SPAG16: variants seen among roughly 807,000 people sequenced by gnomAD.
The protein encoded by SPAG16 is sperm-associated antigen 16 protein.
Under a neutral mutation model 80.4 loss-of-function variants are expected in SPAG16, and 86 were observed. That is an observed-to-expected ratio of 1.07 (90% CI 0.90 to 1.28). The LOEUF is 1.28. Among genes scored for constraint, SPAG16 ranks in the 50% most tolerant of loss-of-function variants. The pLI is 0.00. For missense variants in SPAG16, 870 were observed against 765.3 expected, an observed-to-expected ratio of 1.14 and a Z score of -1.61; for synonymous variants, 294 against 265.9, an observed-to-expected ratio of 1.11 and a Z score of -1.03.
At chr2:214,392,991 A>G (rs1044690479) in intron 15 of SPAG16, among the ~76,000 whole-genome samples, 2 of 152,220 alleles carry the variant, frequency 1.3e-5, no homozygotes, top group Admixed American at 1.3e-4. Context: ...ATTATTATCC[A>G]AGCAGCTAAA....
intron 10 of SPAG16, among the ~76,000 whole-genome samples, chr2:213,674,949 G>A (rs1559365216): frequency 6.7e-6 from 1 of 150,006 alleles, no homozygotes; most frequent in Non-Finnish European, 1.5e-5. Flanking sequence ...AGATCCCTGA[G>A]GAATCACCAC....
intron 12 of SPAG16, among the ~76,000 whole-genome samples, chr2:214,009,258 A>G (rs1473730768): frequency 1.3e-5 from 2 of 152,126 alleles, no homozygotes; most frequent in Non-Finnish European, 2.9e-5. Context: ...TAAGCAACTC[A>G]GAAGCCCAGA....
intron 12 of SPAG16, among the ~76,000 whole-genome samples, chr2:214,011,590 C>T (rs948135276): frequency 6.6e-6 from 1 of 152,142 alleles, no homozygotes; most frequent in Non-Finnish European, 1.5e-5. Context: ...TCCAATAAAA[C>T]TTTATTTACA....
chr2:213,588,917 G>T (rs1264903131), intron 10 of SPAG16, among the ~76,000 whole-genome samples: 1 of 137,652 alleles, frequency 7.3e-6, no homozygotes, highest in Non-Finnish European at 1.5e-5. Context: ...CTTATATCAA[G>T]ATTCTTACAT....
rs1304420029 is a variant in SPAG16 at position 213,571,942 on chromosome 2, T to G, written c.1070+81852T>G. Among the ~76,000 whole-genome samples the G allele has an allele frequency of 1.5e-3, 204 of 135,284 alleles. 4 individuals carry two copies. The highest frequency in any genetic ancestry group is 2.5e-3 in the Non-Finnish European group (162 of 65,610). 88.8% of individuals were successfully genotyped at this position (135,284 alleles called of 152,430 possible). On this transcript the variant is annotated intron_variant, in intron 10 of 15. Transcript: ENST00000331683. ...CTTGGAGGCTTTGCTCATTTCTTTT[T>G]ATTCTTTTTTCTCTAAACTTCCCTT...
At chr2:213,900,133 A>G (rs2106119390) in intron 11 of SPAG16, among the ~76,000 whole-genome samples, 1 of 152,276 alleles carries the variant, frequency 6.6e-6, no homozygotes, top group Admixed American at 6.5e-5. Context: ...GTTACCATGT[A>G]TTCCTAAAAT....
At chr2:214,368,351 A>C (rs1699612407) in intron 15 of SPAG16, among the ~76,000 whole-genome samples, 1 of 152,030 alleles carries the variant, frequency 6.6e-6, no homozygotes, top group African/African-American at 2.4e-5. Context: ...CTGATTTCCT[A>C]GTCTGTGGTC....
chr2:213,295,710 GT>G (rs913615252), intron 1 of SPAG16, among the ~76,000 whole-genome samples: 14 of 151,944 alleles, frequency 9.2e-5, no homozygotes, highest in African/African-American at 3.4e-4. Flanking sequence ...AAAAGTTACT[GT>G]TTTTTCTTAC....
chr2:213,876,591 A>C (rs10153910), intron 11 of SPAG16, among the ~76,000 whole-genome samples: 1 of 152,006 alleles, frequency 6.6e-6, no homozygotes, highest in Admixed American at 6.6e-5. Context: ...AAAGCATTAT[A>C]AGTATTCTAC....
At chr2:214,003,073 A>G (rs2046867792) in intron 12 of SPAG16, among the ~76,000 whole-genome samples, 3 of 152,206 alleles carry the variant, frequency 2.0e-5, no homozygotes, top group Admixed American at 1.3e-4. Context: ...ACCATAACAC[A>G]TTTCAGAGGA....
chr2:214,100,371 TTTAA>T (rs1455008269), intron 13 of SPAG16, among the ~76,000 whole-genome samples: 1 of 152,078 alleles, frequency 6.6e-6, no homozygotes, highest in African/African-American at 2.4e-5. Flanking sequence ...TTCTCTGACA[TTTAA>T]TTTATTTCAT....
chr2:214,131,204 T>C (rs2054749841), intron 14 of SPAG16, among the ~76,000 whole-genome samples: 1 of 151,788 alleles, frequency 6.6e-6, no homozygotes, highest in Non-Finnish European at 1.5e-5. Flanking sequence ...CGAGACCCCA[T>C]CTCTACCAAA....
At position 213,643,762 on chromosome 2, in the gene SPAG16, T is replaced by C. The variant is rs2062713631; in HGVS notation, c.1070+153672T>C. On this transcript the variant is annotated intron_variant, in intron 10 of 15. Coordinates refer to ENST00000331683, the MANE Select transcript of SPAG16 (RefSeq NM_024532.5). ...TCAAATAGCCTGTCTTCAAGCTCAC[T>C]ACTTCTTTTTTTTTTTTTTTTTTTT... Among the ~76,000 whole-genome samples, 4 of 136,506 alleles carry C rather than the reference T, an allele frequency of 2.9e-5. No homozygotes were observed. In the South Asian group the frequency reaches 9.7e-4, roughly 33 times the overall value. The allele number at this position is 136,506 out of a possible 152,430, so 89.6% of individuals were successfully genotyped here.
chr2:213,846,933 C>T (rs2074658956), intron 10 of SPAG16, among the ~76,000 whole-genome samples: 1 of 152,140 alleles, frequency 6.6e-6, no homozygotes, highest in Non-Finnish European at 1.5e-5. Flanking sequence ...GAGTGTGCTT[C>T]CCATCTCGTC....
intron 15 of SPAG16, among the ~76,000 whole-genome samples, chr2:214,248,811 A>G (rs1690042633): frequency 6.6e-6 from 1 of 152,200 alleles, no homozygotes; most frequent in Non-Finnish European, 1.5e-5. Flanking sequence ...AAAGAAAGCG[A>G]TATTTGAGAC....
At chr2:213,476,718 C>A (rs1254082953) in intron 9 of SPAG16, among the ~76,000 whole-genome samples, 2 of 152,184 alleles carry the variant, frequency 1.3e-5, no homozygotes, top group South Asian at 4.1e-4. Context: ...ACTCCCATAG[C>A]TCAGTGAGCA....
intron 10 of SPAG16, among the ~76,000 whole-genome samples, chr2:213,712,939 A>G (rs1249467867): frequency 6.6e-6 from 1 of 152,138 alleles, no homozygotes; most frequent in Admixed American, 6.5e-5. Context: ...TAATTTATAA[A>G]GAAAAGAGGT....
chr2:213,302,386 T>C (rs551676682), intron 3 of SPAG16: 23 of 152,298 alleles, frequency 1.5e-4, no homozygotes, highest in Admixed American at 5.2e-4. Flanking sequence ...TATCTGTGGA[T>C]ACCTGAGTAG....
At chr2:213,672,363 T>G (rs1050331737) in intron 10 of SPAG16, among the ~76,000 whole-genome samples, 2 of 152,222 alleles carry the variant, frequency 1.3e-5, no homozygotes, top group East Asian at 3.9e-4. Context: ...CCTTCCTCCC[T>G]TCTTTCCTTT....
Sources: gnomAD v4.1 joint callset for allele counts (sites outside exome capture counted in the v4.1 genomes callset) on GRCh38, gnomAD v4.1.1 for gene constraint, MANE v1.5 for transcripts, NCBI Gene and HGNC (gene_info 2026-07-23, HGNC 2026-07-21) for gene names.